The following TTC21B variants were observed in gnomAD, a reference collection of about 807,000 sequenced individuals.
TTC21B encodes the protein tetratricopeptide repeat protein 21B.
A neutral mutation model predicts 175.1 loss-of-function variants in TTC21B; 127 were observed. The ratio of observed to expected loss-of-function variants is 0.73; its 90% CI spans 0.63 to 0.84. The LOEUF (loss-of-function observed/expected upper bound fraction) is 0.84, where lower values mean the gene tolerates loss of function less well. TTC21B is among the 40% of genes least tolerant of loss of function. The pLI is 0.00. For missense variants in TTC21B, 1,561 were observed against 1,558.3 expected (o/e 1.00, Z -0.03); for synonymous variants, 524 against 524.5 (o/e 1.00, Z 0.01).
chr2:165,889,398 T>C (rs998562036), intron 24 of TTC21B, among the ~76,000 whole-genome samples: 20 of 152,196 alleles, frequency 1.3e-4, no homozygotes, highest in Non-Finnish European at 2.4e-4. Flanking sequence ...TCTCAGATTT[T>C]TGTTACTTCA....
At chr2:165,880,977 C>A (rs888239163) in intron 26 of TTC21B, among the ~76,000 whole-genome samples, 178 bp from the exon 27 acceptor site, 1 of 152,142 alleles carries the variant, frequency 6.6e-6, no homozygotes, top group Admixed American at 6.6e-5. Flanking sequence ...ATTCTGATGG[C>A]AAGTCTCCAT....
At chr2:165,900,263 T>C (rs1278952741) in intron 20 of TTC21B, among the ~76,000 whole-genome samples, 1 of 152,202 alleles carries the variant, frequency 6.6e-6, no homozygotes, top group Non-Finnish European at 1.5e-5. Context: ...ATCTCTAAGG[T>C]ATGCCTCAGA....
intron 6 of TTC21B, 32 bp from the exon 7 acceptor site, chr2:165,933,089 T>A: frequency 6.3e-7 from 1 of 1,586,590 alleles, no homozygotes; most frequent in South Asian, 1.1e-5. Flanking sequence ...AATGTCAAAA[T>A]AAATTTATAT....
chr2:165,930,730 GGGGT>G (rs10586532), intron 8 of TTC21B, among the ~76,000 whole-genome samples: 20,729 of 78,268 alleles, frequency 0.26, 2,258 homozygotes, highest in East Asian at 0.39. Flanking sequence ...CGTGGGTATG[GGGGT>G]GTGTGTGTGT....
chr2:165,919,562 T>A (rs1432543899), intron 12 of TTC21B, 129 bp from the exon 13 acceptor site: 1 of 983,074 alleles, frequency 1.0e-6, no homozygotes, highest in Non-Finnish European at 1.5e-6. Context: ...TTGCTGTTCA[T>A]AGGCCATGGT....
Position 165,917,315 on chromosome 2 carries a change from C to T in TTC21B, c.1841G>A (p.Ser614Asn), listed in dbSNP as rs1325039385. The part of the protein sequence containing the change: ...SKDRKTEVDT[S>N]HRLSIFLELI... ...TTCAAGAAAGATCGATAAACGATGG[C>T]TTGTATCAACTTCAGTTTTTCTGTC... Residue 614 changes from serine (S) to asparagine (N), a missense_variant, in exon 14 of 29, where the codon AGC (serine) becomes AAC (asparagine). By Grantham distance (46) the Ser-to-Asn change is conservative. Transcript: ENST00000243344. 3.1e-6 allele frequency: 5 copies of T among 1,614,180 alleles called. No homozygotes were observed. The highest frequency in any genetic ancestry group is 1.3e-5 in the African/African-American group (1 of 75,062).
In TTC21B at chr2:165,891,275, A is replaced by G. The variant is rs13404648; in HGVS notation, c.2951-287T>C. Among the ~76,000 whole-genome samples, 66,999 of 151,836 alleles carry G rather than the reference A, an allele frequency of 0.44. 15,323 individuals are homozygous for G. Among genetic ancestry groups the G allele is most frequent in the South Asian group, 0.54 (2,589 of 4,812 alleles). On this transcript the variant is annotated intron_variant, in intron 22 of 28. Transcript: ENST00000243344. ...TGTTTGGGGGACCAAAACCTTAGAGAAACAGCCCCTACCTAGGTAATCTAG... is the reference window on the plus strand; with the variant it reads ...TGTTTGGGGGACCAAAACCTTAGAGGAACAGCCCCTACCTAGGTAATCTAG...
intron 4 of TTC21B, among the ~76,000 whole-genome samples, chr2:165,944,185 G>A (rs1031327622): frequency 1.3e-5 from 2 of 152,052 alleles, no homozygotes; most frequent in African/African-American, 4.8e-5. Flanking sequence ...ATTTCTAGCC[G>A]AAAACCTCTT....
Position 165,917,292 on chromosome 2 carries a change from C to G in TTC21B, c.1864G>C (p.Glu622Gln), listed in dbSNP as rs1686210873. ...DTSHRLSIFLELIDVHRLNGE... is the reference protein window; with the variant it reads ...DTSHRLSIFLQLIDVHRLNGE... The stretch of plus-strand genomic sequence containing the variant: ...TTTAAGCGGTGAACGTCTATCAATT[C>G]AAGAAAGATCGATAAACGATGGCTT... Residue 622 changes from glutamate (E) to glutamine (Q), a missense_variant, in exon 14 of 29, where the codon GAA becomes CAA. Glu to Gln is a conservative substitution (Grantham distance 29). Transcript: ENST00000243344. 7 of 1,614,180 alleles carry G rather than the reference C, an allele frequency of 4.3e-6. No homozygotes were observed. The highest frequency in any genetic ancestry group is 5.9e-6 in the Non-Finnish European group (7 of 1,180,020).
chr2:165,912,547 G>T lies in TTC21B; in HGVS notation c.2289C>A (p.Gly763=), dbSNP rs751493068. 2 of 1,613,980 alleles carry T rather than the reference G, an allele frequency of 1.2e-6. No individual in the cohort carries two copies. The highest frequency in any genetic ancestry group is 1.1e-5 in the South Asian group (1 of 91,084). The change falls in exon 17 of 29, where the codon GGC becomes GGA. Residue 763 remains glycine (G), a synonymous_variant. Transcript: ENST00000243344. Reference sequence around the variant, plus strand: ...AGTTATGAGTTTTGATAAGTGCTTTGCCCATTTTGCTTGCCAATGTTCCAT... The same window carrying T: ...AGTTATGAGTTTTGATAAGTGCTTTTCCCATTTTGCTTGCCAATGTTCCAT... ...PKDGTLASKM[G]KALIKTHNYS...
chr2:165,917,281 G>A lies in TTC21B; in HGVS notation c.1875C>T (p.Asp625=), dbSNP rs201527373. 74 of 1,614,004 alleles carry A rather than the reference G, an allele frequency of 4.6e-5. No individual in the cohort carries two copies. Among genetic ancestry groups the A allele is most frequent in the Non-Finnish European group, 5.7e-5 (67 of 1,180,024 alleles). The change falls in exon 14 of 29, where the codon GAC becomes GAT. Residue 625 remains aspartate, a synonymous_variant. Transcript: ENST00000243344. ...HRLSIFLELI[D]VHRLNGEQHE... ...CCTGCTCTCCATTTAAGCGGTGAAC[G>A]TCTATCAATTCAAGAAAGATCGATA...
At chr2:165,949,534 T>C (rs750173231) in intron 2 of TTC21B, 30 bp from the exon 3 acceptor site, 2 of 1,613,634 alleles carry the variant, frequency 1.2e-6, no homozygotes, top group Admixed American at 1.7e-5. Flanking sequence ...TATGAAAAAC[T>C]GTTCTTAGTG....
chr2:165,939,241 C>T (rs1687278886), intron 6 of TTC21B, among the ~76,000 whole-genome samples: 1 of 152,112 alleles, frequency 6.6e-6, no homozygotes, highest in Admixed American at 6.6e-5. Flanking sequence ...AAAGATGTTA[C>T]CAAGATGTTC....
At position 165,912,628 on chromosome 2, in the gene TTC21B, A is replaced by G; in HGVS notation, c.2212-4T>C. ...ATGCTACTATGGCTTCTTCAGGCTA[A>G]TATTGCCAGACACAAAAAATAAGCA... On this transcript the variant is annotated splice_polypyrimidine_tract_variant and splice_region_variant and intron_variant, in intron 16 of 28. Transcript: ENST00000243344. 13 of 1,610,680 alleles carry G rather than the reference A, an allele frequency of 8.1e-6. No homozygotes were observed. The highest frequency in any genetic ancestry group is 1.1e-5 in the Non-Finnish European group (13 of 1,176,944).
intron 27 of TTC21B, 83 bp downstream of exon 27, chr2:165,880,595 GA>G: frequency 7.4e-6 from 11 of 1,477,314 alleles, no homozygotes; most frequent in Non-Finnish European, 9.3e-6. Context: ...ATTTTGTTTT[GA>G]AAAAAATCAA....
At chr2:165,888,124 A>G (rs1685069799) in intron 25 of TTC21B, among the ~76,000 whole-genome samples, 155 bp downstream of exon 25, 1 of 152,236 alleles carries the variant, frequency 6.6e-6, no homozygotes. Flanking sequence ...TTCCGCCAAG[A>G]AGGGGACATT....
chr2:165,898,652 CTG>C (rs767947834), intron 22 of TTC21B, 32 bp downstream of exon 22: 2 of 1,392,132 alleles, frequency 1.4e-6, no homozygotes, highest in Admixed American at 3.3e-5. Flanking sequence ...GGAGGGGTGA[CTG>C]CACTCAAAAA....
intron 1 of TTC21B, among the ~76,000 whole-genome samples, chr2:165,952,740 A>G (rs1251590336): frequency 2.6e-5 from 4 of 152,158 alleles, no homozygotes. Context: ...GCATTCCCTA[A>G]CCTCCTACAT....
intron 20 of TTC21B, among the ~76,000 whole-genome samples, chr2:165,900,445 TTAAG>T (rs1283500926): frequency 5.9e-5 from 9 of 152,256 alleles, no homozygotes; most frequent in Non-Finnish European, 8.8e-5. Flanking sequence ...GATCACTTAC[TTAAG>T]TGTTTAGCCA....
Sources: allele counts gnomAD v4.1 joint callset (sites outside exome capture counted in the v4.1 genomes callset), GRCh38; gene constraint gnomAD v4.1.1; transcripts MANE v1.5; gene names NCBI Gene and HGNC (gene_info 2026-07-23, HGNC 2026-07-21).